KCND2: variants seen among roughly 807,000 people sequenced by gnomAD.
KCND2 encodes A-type voltage-gated potassium channel KCND2.
KCND2 carries 16 observed loss-of-function variants against 54.4 expected under a neutral mutation model. The ratio of observed to expected loss-of-function variants is 0.29; its 90% CI spans 0.20 to 0.45. The LOEUF is 0.45. Ranked by LOEUF, KCND2 falls within the 20% of genes least tolerant of loss-of-function variation. KCND2 has a pLI of 1.00. For synonymous variants in KCND2, 317 were observed against 310.7 expected (o/e 1.02, Z -0.21); for missense variants, 486 against 824.2 (o/e 0.59, Z 5.02).
At chr7:120,542,675 T>C (rs1247138732) in intron 1 of KCND2, among the ~76,000 whole-genome samples, 3 of 152,158 alleles carry the variant, frequency 2.0e-5, no homozygotes, top group Admixed American at 2.0e-4. Context: ...TTGAATTCTT[T>C]TATTTCTAAA....
intron 1 of KCND2, among the ~76,000 whole-genome samples, chr7:120,344,519 T>C (rs1204008030): frequency 1.3e-5 from 2 of 152,166 alleles, no homozygotes; most frequent in Admixed American, 1.3e-4. Context: ...TATAAGAAGA[T>C]AATGTTGCAA....
intron 1 of KCND2, among the ~76,000 whole-genome samples, chr7:120,621,319 C>A (rs1793096354): frequency 1.4e-5 from 2 of 146,324 alleles, no homozygotes; most frequent in African/African-American, 5.2e-5. Flanking sequence ...CATATGGTAT[C>A]CTGTCACCTG....
At chr7:120,359,490 T>C (rs571802257) in intron 1 of KCND2, among the ~76,000 whole-genome samples, 1 of 152,248 alleles carries the variant, frequency 6.6e-6, no homozygotes, top group East Asian at 1.9e-4. Context: ...GTTTAATACA[T>C]GTACAATTTG....
At chr7:120,642,396 TAA>T (rs35453111) in intron 1 of KCND2, among the ~76,000 whole-genome samples, 12 of 99,700 alleles carry the variant, frequency 1.2e-4, no homozygotes, top group South Asian at 3.3e-4. Flanking sequence ...CCTTCTCTAC[TAA>T]AAAAAAAAAA....
intron 1 of KCND2, among the ~76,000 whole-genome samples, chr7:120,301,112 A>G (rs1234334019): frequency 6.6e-6 from 1 of 152,160 alleles, no homozygotes; most frequent in Non-Finnish European, 1.5e-5. Context: ...AAACAATAAC[A>G]AATAACAAAT....
At chr7:120,537,148 A>G (rs1195498211) in intron 1 of KCND2, among the ~76,000 whole-genome samples, 6 of 152,208 alleles carry the variant, frequency 3.9e-5, no homozygotes, top group Non-Finnish European at 8.8e-5. Flanking sequence ...TATGGGATGC[A>G]GGATACATGT....
chr7:120,703,459 T>C (rs967411157), intron 1 of KCND2, among the ~76,000 whole-genome samples: 3 of 152,196 alleles, frequency 2.0e-5, no homozygotes, highest in Non-Finnish European at 4.4e-5. Context: ...TTTTCACTCT[T>C]TATGGTTAAA....
At chr7:120,604,184 C>A (rs567140411) in intron 1 of KCND2, among the ~76,000 whole-genome samples, 1 of 152,122 alleles carries the variant, frequency 6.6e-6, no homozygotes, top group South Asian at 2.1e-4. Flanking sequence ...GAAGTCCTAC[C>A]TTTTTGGCCT....
chr7:120,340,039 T>C (rs529538665), intron 1 of KCND2, among the ~76,000 whole-genome samples: 10 of 152,214 alleles, frequency 6.6e-5, no homozygotes, highest in Non-Finnish European at 1.5e-4. Context: ...ATATTCACTG[T>C]AGTGTTTCAC....
Position 120,746,002 on chromosome 7 carries a change from G to A in KCND2, c.1690G>A (p.Val564Met). The change falls in exon 5 of 6, where the codon GTG becomes ATG. Residue 564 changes from valine (V) to methionine (M), a missense_variant. Transcript: ENST00000331113. ...ACTCAGCACGATTCAGATCAGATGT[G>A]TGGAGAGAACACCTCTGTCTAACAG... ...QELSTIQIRCVERTPLSNSRS... is the reference protein window; with the variant it reads ...QELSTIQIRCMERTPLSNSRS... 1 of 1,613,584 alleles carries A rather than the reference G, an allele frequency of 6.2e-7. No homozygotes were observed. The highest frequency in any genetic ancestry group is 8.5e-7 in the Non-Finnish European group (1 of 1,179,692).
chr7:120,478,187 A>G (rs1802557185), intron 1 of KCND2, among the ~76,000 whole-genome samples: 1 of 152,158 alleles, frequency 6.6e-6, no homozygotes, highest in African/African-American at 2.4e-5. Flanking sequence ...AGGTTTTAGG[A>G]TCACCCCTAA....
At chr7:120,622,216 TC>T (rs776743868) in intron 1 of KCND2, among the ~76,000 whole-genome samples, 103 of 152,300 alleles carry the variant, frequency 6.8e-4, no homozygotes, top group Non-Finnish European at 1.3e-3. Context: ...AGCTGATGTG[TC>T]TGAGTTTGTT....
chr7:120,651,065 G>A (rs1791726018), intron 1 of KCND2, among the ~76,000 whole-genome samples: 3 of 143,332 alleles, frequency 2.1e-5, no homozygotes, highest in Admixed American at 1.4e-4. Flanking sequence ...TGGGTGTCAG[G>A]GACCCAGTTG....
chr7:120,411,201 A>G (rs1462897132), intron 1 of KCND2, among the ~76,000 whole-genome samples: 3 of 151,934 alleles, frequency 2.0e-5, no homozygotes, highest in African/African-American at 4.8e-5. Context: ...TATACATTTC[A>G]TGTTTTTAGA....
intron 1 of KCND2, among the ~76,000 whole-genome samples, chr7:120,456,729 G>A (rs548772985): frequency 3.3e-5 from 5 of 152,276 alleles, no homozygotes; most frequent in Admixed American, 1.3e-4. Flanking sequence ...CCAGGCACAG[G>A]GTACAAGATG....
At chr7:120,588,292 A>G (rs1317393733) in intron 1 of KCND2, among the ~76,000 whole-genome samples, 1 of 152,068 alleles carries the variant, frequency 6.6e-6, no homozygotes, top group Admixed American at 6.5e-5. Flanking sequence ...TGTAATCCTA[A>G]ATTCCAGAAT....
chr7:120,743,032 A>G (rs964386093), intron 4 of KCND2, among the ~76,000 whole-genome samples: 3 of 152,198 alleles, frequency 2.0e-5, no homozygotes, highest in African/African-American at 7.2e-5. Flanking sequence ...AATGGAATAT[A>G]AGCATTTGTT....
intron 1 of KCND2, among the ~76,000 whole-genome samples, chr7:120,456,727 AG>A (rs1247692746): frequency 6.6e-6 from 1 of 152,194 alleles, no homozygotes; most frequent in Non-Finnish European, 1.5e-5. Context: ...TTCCAGGCAC[AG>A]GGTACAAGAT....
chr7:120,576,405 T>A (rs532810848), intron 1 of KCND2, among the ~76,000 whole-genome samples: 90 of 152,356 alleles, frequency 5.9e-4, no homozygotes, highest in African/African-American at 1.9e-3. Context: ...CTTGCCCTAC[T>A]GCTAAACATT....
Sources: gnomAD v4.1 joint callset for allele counts (sites outside exome capture counted in the v4.1 genomes callset) on GRCh38, gnomAD v4.1.1 for gene constraint, MANE v1.5 for transcripts, NCBI Gene and HGNC (gene_info 2026-07-23, HGNC 2026-07-21) for gene names.